Variants in PDHB observed in about 807,000 individuals in gnomAD.
PDHB encodes pyruvate dehydrogenase E1 subunit beta.
Under a neutral mutation model 42.8 loss-of-function variants are expected in PDHB, and 17 were observed. That is an observed-to-expected ratio of 0.40 (90% CI 0.27 to 0.60). The LOEUF (loss-of-function observed/expected upper bound fraction) is 0.60. Among genes scored for constraint, PDHB ranks in the 20% least tolerant of loss-of-function variants. The pLI is 0.46. For missense variants in PDHB, 322 were observed against 451.3 expected (o/e 0.71, Z 2.60); for synonymous variants, 154 against 148.7 (o/e 1.04, Z -0.26).
Position 58,428,102 on chromosome 3 carries a change from G to C in PDHB, c.1012C>G (p.Leu338Val). 6.2e-7 allele frequency: 1 copy of C among 1,611,410 alleles called. No homozygotes were observed. The highest frequency in any genetic ancestry group is 1.1e-5 in the South Asian group (1 of 91,016). The change falls in exon 10 of 10, where the codon CTA becomes GTA. Residue 338 changes from leucine (L) to valine (V), a missense_variant. By Grantham distance (32) the Leu-to-Val change is conservative. Coordinates refer to ENST00000302746, the MANE Select transcript of PDHB (RefSeq NM_000925.4). ...ACCTGAGGTATAGAGTTGTCCTCTA[G>C]AATCTTTGCATAAGGCATAGGGACA... ...ADVPMPYAKI[L>V]EDNSIPQVKD...
At chr3:58,428,279 A>C in intron 9 of PDHB, 100 bp from the exon 10 acceptor site, 1 of 1,260,992 alleles carries the variant, frequency 7.9e-7, no homozygotes, top group South Asian at 1.2e-5. Context: ...AATGTAAGGA[A>C]TGCTAATTAT....
At chr3:58,428,285 A>G (rs2062890769) in intron 9 of PDHB, 106 bp from the exon 10 acceptor site, 11 of 1,239,312 alleles carry the variant, frequency 8.9e-6, no homozygotes, top group Non-Finnish European at 1.3e-5. Flanking sequence ...AGGAATGCTA[A>G]TTATGGGGAA....
At chr3:58,428,392 A>C in intron 9 of PDHB, 81 bp downstream of exon 9, 1 of 1,494,258 alleles carries the variant, frequency 6.7e-7, no homozygotes, top group Non-Finnish European at 9.3e-7. Context: ...CTAGCTTTCA[A>C]TCTCTTTATC....
intron 7 of PDHB, 137 bp from the exon 8 acceptor site, chr3:58,429,936 G>GC (rs750640383): frequency 1.6e-5 from 12 of 743,046 alleles, no homozygotes; most frequent in Middle Eastern, 2.3e-4. Flanking sequence ...GAATGTGGCA[G>GC]CCTTCCTAGA....
At chr3:58,432,054 A>G in intron 2 of PDHB, 70 bp from the exon 3 acceptor site, 1 of 1,046,888 alleles carries the variant, frequency 9.6e-7, no homozygotes, top group Non-Finnish European at 1.5e-6. Context: ...CTTCCTTTAT[A>G]TTTACCTAGG....
intron 2 of PDHB, chr3:58,432,217 T>C: frequency 5.6e-6 from 3 of 540,062 alleles, no homozygotes; most frequent in South Asian, 4.2e-5. Context: ...CCAAATACTT[T>C]GCATCCAGAA....
At chr3:58,429,347 G>A (rs2062900892) in intron 8 of PDHB, among the ~76,000 whole-genome samples, 1 of 152,022 alleles carries the variant, frequency 6.6e-6, no homozygotes, top group African/African-American at 2.4e-5. Context: ...AGGGTGAGGT[G>A]GGAGCATCAC....
chr3:58,428,153 G>C lies in PDHB; in HGVS notation c.961C>G (p.Pro321Ala). 1 of 1,614,044 alleles carries C rather than the reference G, an allele frequency of 6.2e-7. No homozygotes were observed. Among genetic ancestry groups the C allele is most frequent in the Non-Finnish European group, 8.5e-7 (1 of 1,179,892 alleles). ...TCAGCACCAGTGACACGAACAGCAGGAGCATCCAGGAAATTGAACGCAGGA... is the reference window on the plus strand; with the variant it reads ...TCAGCACCAGTGACACGAACAGCAGCAGCATCCAGGAAATTGAACGCAGGA... ...EGPAFNFLDA[P>A]AVRVTGADVP... The change falls in exon 10 of 10, where the codon CCT becomes GCT. Residue 321 changes from proline to alanine, a missense_variant. This residue lies in a region of PDHB where 208 missense variants were observed against 285.0 expected (regional missense o/e 0.73). Coordinates refer to ENST00000302746, the MANE Select transcript of PDHB (RefSeq NM_000925.4).
rs187407948 is a variant in PDHB at position 58,431,451 on chromosome 3, G to C, written c.303+142C>G. On this transcript the variant is annotated intron_variant, in intron 5 of 9. Transcript: ENST00000302746. This position sits in a 1 kb window ranked among gnomAD's most constrained non-coding sequence, Gnocchi z 4.4. ...TAACCCCAGCCACTATGGAGGCTGA[G>C]GCAGGAGAATTGCTTGAACCTGGAA... 448 of 743,742 alleles carry C rather than the reference G, an allele frequency of 6.0e-4. No homozygotes were observed. In the African/African-American group the frequency reaches 7.3e-3, roughly 12 times the overall value. 46.1% of individuals were successfully genotyped at this position (743,742 alleles called of 1,614,324 possible).
chr3:58,429,047 G>T (rs2062897728), intron 8 of PDHB, among the ~76,000 whole-genome samples: 1 of 152,078 alleles, frequency 6.6e-6, no homozygotes, highest in African/African-American at 2.4e-5. Context: ...TAGAGATGGG[G>T]TTTCAACATG....
intron 7 of PDHB, 41 bp downstream of exon 7, chr3:58,430,087 G>T: frequency 8.3e-7 from 1 of 1,201,210 alleles, no homozygotes; most frequent in Non-Finnish European, 1.2e-6. Flanking sequence ...AAATTGAGGG[G>T]CTGGATTAAA....
rs746797295 is a variant in PDHB at position 58,430,156 on chromosome 3, A to G, written c.672T>C (p.Pro224=). Residue 224 remains proline (P), a synonymous_variant, in exon 7 of 10, where the codon CCT becomes CCC. Coordinates refer to ENST00000302746, the MANE Select transcript of PDHB (RefSeq NM_000925.4). The part of the protein sequence containing the change: ...PEAQSKDFLI[P]IGKAKIERQG... ...GCCTTTCTATTTTGGCTTTTCCAATAGGAATCAGAAAATCTTTTGACTGAG... is the reference window on the plus strand; with the variant it reads ...GCCTTTCTATTTTGGCTTTTCCAATGGGAATCAGAAAATCTTTTGACTGAG... 1.9e-6 allele frequency: 3 copies of G among 1,610,014 alleles called. No individual in the cohort carries two copies. Among genetic ancestry groups the G allele is most frequent in the Non-Finnish European group, 2.6e-6 (3 of 1,176,432 alleles).
rs1344831479 is a variant in PDHB, at chr3:58,431,588, C to T, written c.303+5G>A. On this transcript the variant is annotated splice_donor_5th_base_variant and intron_variant, in intron 5 of 9. Transcript: ENST00000302746. The surrounding 1 kb of genome is among the most constrained non-coding windows in gnomAD (Gnocchi z 4.4). ...TGGATAAGTTTCATAAAGAGTATTA[C>T]ATACCATAGCTGCACCTACAGCAAT... 1 of 1,595,124 alleles carries T rather than the reference C, an allele frequency of 6.3e-7. No homozygotes were observed.
In PDHB at chr3:58,430,373, C is replaced by A. The variant is rs1293056306; in HGVS notation, c.590-135G>T. Reference sequence around the variant, plus strand: ...GCCTTATCTCTACCATGACCAGCAGCCTTGAGAGCAGTTTAGGTACTTAAA... The same window carrying A: ...GCCTTATCTCTACCATGACCAGCAGACTTGAGAGCAGTTTAGGTACTTAAA... On this transcript the variant is annotated intron_variant, in intron 6 of 9. Coordinates refer to ENST00000302746, the MANE Select transcript of PDHB (RefSeq NM_000925.4). 1.6e-5 allele frequency: 11 copies of A among 693,582 alleles called. No homozygotes were observed. In the Admixed American group the frequency reaches 2.7e-4, roughly 17 times the overall value. 43.0% of individuals were successfully genotyped at this position (693,582 alleles called of 1,614,324 possible).
chr3:58,431,101 G>A lies in PDHB; in HGVS notation c.304-159C>T. On this transcript the variant is annotated intron_variant, in intron 5 of 9. Coordinates refer to ENST00000302746, the MANE Select transcript of PDHB (RefSeq NM_000925.4). The surrounding 1 kb of genome is among the most constrained non-coding windows in gnomAD (Gnocchi z 4.4). ...ACTGTCACCCATGCTGGAGTGCAGTGGCACACATCATAGCTCACTGCAGCC... is the reference window on the plus strand; with the variant it reads ...ACTGTCACCCATGCTGGAGTGCAGTAGCACACATCATAGCTCACTGCAGCC... 1 of 733,604 alleles carries A rather than the reference G, an allele frequency of 1.4e-6. No homozygotes were observed. The highest frequency in any genetic ancestry group is 2.3e-6 in the Non-Finnish European group (1 of 428,554). The allele number at this position is 733,604 out of a possible 1,614,324, so 45.4% of individuals were successfully genotyped here.
Position 58,429,776 on chromosome 3 carries a change from G to A in PDHB, c.724C>T (p.His242Tyr). Residue 242 changes from histidine to tyrosine, a missense_variant, in exon 8 of 10, where the codon CAT (histidine) becomes TAT (tyrosine). This residue lies in a region of PDHB where 208 missense variants were observed against 285.0 expected (regional missense o/e 0.73). Coordinates refer to ENST00000302746, the MANE Select transcript of PDHB (RefSeq NM_000925.4). The stretch of plus-strand genomic sequence containing the variant: ...AAGCAGTGGCCCACAGGTCTTGAAT[G>A]GGAAACCACAGTTATATGTGTTCCT... The part of the protein sequence containing the change: ...RQGTHITVVS[H>Y]SRPVGHCLEA... 6.2e-7 allele frequency: 1 copy of A among 1,610,068 alleles called. No individual in the cohort carries two copies. The highest frequency in any genetic ancestry group is 8.5e-7 in the Non-Finnish European group (1 of 1,176,268).
chr3:58,433,660 A>G lies in PDHB; in HGVS notation c.67T>C (p.Phe23Leu). The G allele has an allele frequency of 6.2e-7, 1 of 1,612,722 alleles. No homozygotes were observed. Among genetic ancestry groups the G allele is most frequent in the African/African-American group, 1.3e-5 (1 of 75,054 alleles). Reference protein sequence around the residue: ...REVSGLLKRRFHWTAPAALQV... With the variant: ...REVSGLLKRRLHWTAPAALQV... ...AGCGCAGCCGGCGCGGTCCAGTGAAAGCGCCTCTTCAGCAGCCCGGAGACC... is the reference window on the plus strand; with the variant it reads ...AGCGCAGCCGGCGCGGTCCAGTGAAGGCGCCTCTTCAGCAGCCCGGAGACC... Residue 23 changes from phenylalanine (F) to leucine (L), a missense_variant, in exon 2 of 10, where the codon TTT (phenylalanine) becomes CTT (leucine). By Grantham distance (22) the Phe-to-Leu change is conservative. Coordinates refer to ENST00000302746, the MANE Select transcript of PDHB (RefSeq NM_000925.4).
chr3:58,430,564 G>T, intron 6 of PDHB, 93 bp downstream of exon 6: 1 of 990,996 alleles, frequency 1.0e-6, no homozygotes, highest in East Asian at 2.4e-5. Context: ...ATATATCTAA[G>T]CCTAACTAAA....
Position 58,428,486 on chromosome 3 carries a change from G to A in PDHB, c.921C>T (p.Ala307=), listed in dbSNP as rs760374916. The A allele has an allele frequency of 1.9e-6, 3 of 1,614,092 alleles. No individual in the cohort carries two copies. Among genetic ancestry groups the A allele is most frequent in the Non-Finnish European group, 8.5e-7 (1 of 1,180,000 alleles). ...PQFGVGAEIC[A]RIMEGPAFNF... Reference sequence around the variant, plus strand: ...TCTTTGAAATACCTTCCATGATCCTGGCACAGATTTCAGCTCCTACTCCAA... The same window carrying A: ...TCTTTGAAATACCTTCCATGATCCTAGCACAGATTTCAGCTCCTACTCCAA... The change falls in exon 9 of 10, where the codon GCC becomes GCT. Residue 307 remains alanine, a synonymous_variant. Transcript: ENST00000302746.
Sources: allele counts gnomAD v4.1 joint callset (sites outside exome capture counted in the v4.1 genomes callset), GRCh38; gene constraint gnomAD v4.1.1; regional missense constraint gnomAD v4.1.1; non-coding constraint Gnocchi (gnomAD v3.1); transcripts MANE v1.5; gene names NCBI Gene and HGNC (gene_info 2026-07-23, HGNC 2026-07-21).